Variants in SPEF2 observed in about 807,000 individuals in gnomAD.
SPEF2 encodes sperm flagellar and cilia associated 2, also known as sperm flagella and cilia-associated protein 2.
SPEF2 carries 187 observed loss-of-function variants against 224.6 expected under a neutral mutation model. The observed-to-expected ratio is 0.83, with a 90% CI of 0.74 to 0.94. SPEF2 has a LOEUF of 0.94. Ranked by LOEUF, SPEF2 falls within the 40% of genes least tolerant of loss-of-function variation. The pLI is 0.00. For synonymous variants in SPEF2, 715 were observed against 707.3 expected, an observed-to-expected ratio of 1.01 and a Z score of -0.17; for missense variants, 2,170 against 2,135.6, an observed-to-expected ratio of 1.02 and a Z score of -0.32.
At chr5:35,667,585 C>G (rs1350571480) in intron 9 of SPEF2, among the ~76,000 whole-genome samples, 4 of 152,106 alleles carry the variant, frequency 2.6e-5, no homozygotes, top group Non-Finnish European at 5.9e-5. Flanking sequence ...AGTTCTTAGA[C>G]TTGACACCAA....
intron 20 of SPEF2, among the ~76,000 whole-genome samples, chr5:35,713,137 A>G (rs554921519): frequency 1.3e-5 from 2 of 152,198 alleles, no homozygotes; most frequent in Non-Finnish European, 2.9e-5. Flanking sequence ...TCCATTTATC[A>G]GAGATATTTT....
intron 1 of SPEF2, among the ~76,000 whole-genome samples, chr5:35,623,631 G>A (rs966678628): frequency 1.3e-5 from 2 of 152,202 alleles, no homozygotes; most frequent in African/African-American, 2.4e-5. Flanking sequence ...AAGTACAGGT[G>A]CTTCCCCAGA....
Position 35,795,740 on chromosome 5 carries a change from T to C in SPEF2, c.4775T>C (p.Ile1592Thr). ...LWFTGDEDIK[I>T]PENPLEPLPF... ...TTTACAGGAGATGAAGATATAAAAA[T>C]TCCAGAAAATCCTCTTGAACCCCTT... The change falls in exon 33 of 37, where the codon ATT becomes ACT. Residue 1592 changes from isoleucine (I) to threonine (T), a missense_variant. Physicochemically the swap from Ile to Thr is moderately conservative, Grantham distance 89 (BLOSUM62 -1). Transcript: ENST00000356031. The C allele has an allele frequency of 6.2e-7, 1 of 1,614,030 alleles. No individual in the cohort carries two copies. The highest frequency in any genetic ancestry group is 8.5e-7 in the Non-Finnish European group (1 of 1,179,908).
At chr5:35,768,344 G>A (rs1371579130) in intron 26 of SPEF2, among the ~76,000 whole-genome samples, 1 of 152,056 alleles carries the variant, frequency 6.6e-6, no homozygotes, top group Admixed American at 6.6e-5. Flanking sequence ...ATTGTTAAAT[G>A]AGCAACATAG....
chr5:35,783,860 T>C (rs1228655337), intron 30 of SPEF2, among the ~76,000 whole-genome samples: 1 of 152,322 alleles, frequency 6.6e-6, no homozygotes, highest in Non-Finnish European at 1.5e-5. Flanking sequence ...GAAACTAGAA[T>C]ACTTAGCAAT....
At position 35,700,665 on chromosome 5, in the gene SPEF2, A is replaced by C. The variant is rs1184483255; in HGVS notation, c.2311A>C (p.Ile771Leu). ...TATTGATCCTGCGACTTCCAAAGAA[A>C]TACCTCTTCCCTCTCCTGCATTTGA... is the stretch of plus-strand genomic sequence containing the variant. ...LAIDPATSKE[I>L]PLPSPAFDFV... is the part of the protein sequence containing the mutation. Residue 771 changes from isoleucine (I) to leucine (L), a missense_variant, in exon 16 of 37, where the codon ATA (isoleucine) becomes CTA (leucine). Physicochemically the swap from Ile to Leu is conservative, Grantham distance 5. Transcript: ENST00000356031. The C allele has an allele frequency of 1.9e-6, 3 of 1,613,934 alleles. No homozygotes were observed. Among genetic ancestry groups the C allele is most frequent in the African/African-American group, 1.3e-5 (1 of 74,948 alleles).
intron 8 of SPEF2, among the ~76,000 whole-genome samples, chr5:35,665,672 T>C (rs1218315441): frequency 6.6e-6 from 1 of 152,194 alleles, no homozygotes; most frequent in Non-Finnish European, 1.5e-5. Flanking sequence ...GAATTCTCAT[T>C]GGATATTTCT....
chr5:35,677,166 C>A (rs1169628602), intron 10 of SPEF2, among the ~76,000 whole-genome samples: 2 of 152,138 alleles, frequency 1.3e-5, no homozygotes, highest in Non-Finnish European at 2.9e-5. Context: ...TATTTTGTGA[C>A]ACCAGAGAAA....
chr5:35,720,628 T>A (rs1743467039), intron 20 of SPEF2, among the ~76,000 whole-genome samples: 1 of 152,190 alleles, frequency 6.6e-6, no homozygotes, highest in Non-Finnish European at 1.5e-5. Context: ...CGGTTTTCAA[T>A]AACTTAACAT....
chr5:35,801,692 T>A (rs1178496773), intron 34 of SPEF2, among the ~76,000 whole-genome samples: 1 of 152,144 alleles, frequency 6.6e-6, no homozygotes, highest in Non-Finnish European at 1.5e-5. Context: ...CTCATTAATG[T>A]CTGTCTTCCC....
chr5:35,680,652 G>A (rs1176296648), intron 10 of SPEF2, among the ~76,000 whole-genome samples: 3 of 152,196 alleles, frequency 2.0e-5, no homozygotes, highest in Non-Finnish European at 2.9e-5. Flanking sequence ...GAATGATGCT[G>A]TGTGGATACG....
chr5:35,740,093 C>T, intron 22 of SPEF2, 36 bp from the exon 23 acceptor site: 1 of 1,614,022 alleles, frequency 6.2e-7, no homozygotes, highest in Non-Finnish European at 8.5e-7. Context: ...AGAGGCATGA[C>T]ATATAAAATT....
At chr5:35,717,403 T>A (rs1278169914) in intron 20 of SPEF2, among the ~76,000 whole-genome samples, 1 of 152,196 alleles carries the variant, frequency 6.6e-6, no homozygotes, top group East Asian at 1.9e-4. Flanking sequence ...GTGCTTGCCT[T>A]CTGATTTGTC....
In SPEF2 at chr5:35,644,337, A is replaced by G; in HGVS notation, c.415-18A>G. ...TTTATTCTCTAATAAAATCTTTTGAAATGCTTTTTTCATTTAGAGACTTAG... is the reference window on the plus strand; with the variant it reads ...TTTATTCTCTAATAAAATCTTTTGAGATGCTTTTTTCATTTAGAGACTTAG... On this transcript the variant is annotated intron_variant, in intron 3 of 36. Transcript: ENST00000356031. The G allele has an allele frequency of 6.7e-7, 1 of 1,487,298 alleles. No individual in the cohort carries two copies. Among genetic ancestry groups the G allele is most frequent in the Non-Finnish European group, 9.0e-7 (1 of 1,114,372 alleles). 92.1% of individuals were successfully genotyped at this position (1,487,298 alleles called of 1,614,324 possible).
At chr5:35,634,911 T>C (rs183603271) in intron 2 of SPEF2, among the ~76,000 whole-genome samples, 111 of 152,142 alleles carry the variant, frequency 7.3e-4, no homozygotes, top group Non-Finnish European at 2.1e-4. Flanking sequence ...TCTTTCTTGT[T>C]CCGGGATCCC....
intron 7 of SPEF2, among the ~76,000 whole-genome samples, chr5:35,655,642 G>A (rs1485318174): frequency 6.6e-6 from 1 of 152,170 alleles, no homozygotes; most frequent in Non-Finnish European, 1.5e-5. Flanking sequence ...GTGGGGTCAG[G>A]GTTAGGGGCA....
At chr5:35,775,381 G>C (rs1753464904) in intron 28 of SPEF2, among the ~76,000 whole-genome samples, 1 of 152,066 alleles carries the variant, frequency 6.6e-6, no homozygotes, top group Admixed American at 6.6e-5. Flanking sequence ...TTTTTCCAGG[G>C]GAAAAATTGG....
intron 8 of SPEF2, 128 bp from the exon 9 acceptor site, chr5:35,666,944 G>T: frequency 1.3e-6 from 1 of 777,072 alleles, no homozygotes; most frequent in Non-Finnish European, 2.0e-6. Flanking sequence ...GTTCATTCAT[G>T]ATTAATTTTT....
At chr5:35,781,523 T>C (rs1047624185) in intron 30 of SPEF2, 6 of 152,282 alleles carry the variant, frequency 3.9e-5, no homozygotes, top group Admixed American at 3.3e-4. Context: ...TGCTTTTCTT[T>C]CTCCAACTGC....
Sources: allele counts gnomAD v4.1 joint callset (sites outside exome capture counted in the v4.1 genomes callset), GRCh38; gene constraint gnomAD v4.1.1; transcripts MANE v1.5; gene names NCBI Gene and HGNC (gene_info 2026-07-23, HGNC 2026-07-21).